Variants in BICD1 observed in about 807,000 individuals in gnomAD.
BICD1 encodes BICD cargo adaptor 1.
In BICD1, 35 loss-of-function variants were observed where a neutral mutation model predicts 92.5. That is an observed-to-expected ratio of 0.38 (90% CI 0.29 to 0.50). The LOEUF is 0.50. Among genes scored for constraint, BICD1 ranks in the 20% least tolerant of loss-of-function variants. The pLI is 0.93. For synonymous variants in BICD1, 429 were observed against 465.1 expected (o/e 0.92, Z 1.00); for missense variants, 950 against 1,189.8 (o/e 0.80, Z 2.97).
chr12:32,176,685 C>G lies in BICD1; in HGVS notation c.214-39562C>G, dbSNP rs563530071. On this transcript the variant is annotated intron_variant, in intron 1 of 9. Transcript: ENST00000652176. ...TACAGTATGTACTCCTTTGTGTTGT[C>G]TTCTTTCACTCATCGTAAGGGTTTC... 1.9e-3 allele frequency among the ~76,000 whole-genome samples: 287 copies of G among 152,244 alleles called. 1 individual carries two copies. The highest frequency in any genetic ancestry group is 6.5e-3 in the African/African-American group (271 of 41,538).
chr12:32,319,321 A>G (rs923456090), intron 4 of BICD1, among the ~76,000 whole-genome samples: 1 of 152,170 alleles, frequency 6.6e-6, no homozygotes, highest in African/African-American at 2.4e-5. Context: ...AATTTTGTCA[A>G]ATGCTTTTTC....
chr12:32,141,583 C>T (rs1485810492), intron 1 of BICD1, among the ~76,000 whole-genome samples: 1 of 152,144 alleles, frequency 6.6e-6, no homozygotes, highest in Non-Finnish European at 1.5e-5. Context: ...AAGCGATTCT[C>T]CTGCCTCAGC....
rs1253545264 is a variant in BICD1 at position 32,381,206 on chromosome 12, T to C, written c.*3579T>C. On this transcript the variant is annotated 3_prime_UTR_variant, in exon 10 of 10. Coordinates refer to ENST00000652176, the MANE Select transcript of BICD1 (RefSeq NM_001714.4). The stretch of plus-strand genomic sequence containing the variant: ...GTTGGAAAAAAATGATCGTTGGTAT[T>C]ATTTTTTCTTTCAGCTATATTCCAT... 6.6e-6 allele frequency: 1 copy of C among 152,130 alleles called. No homozygotes were observed. Among genetic ancestry groups the C allele is most frequent in the African/African-American group, 2.4e-5 (1 of 41,442 alleles). 9.4% of individuals were successfully genotyped at this position (152,130 alleles called of 1,614,324 possible).
chr12:32,357,048 G>A (rs1592715848), intron 8 of BICD1, among the ~76,000 whole-genome samples: 2 of 117,290 alleles, frequency 1.7e-5, no homozygotes, highest in Admixed American at 1.1e-4. Flanking sequence ...TTTCGCTCTT[G>A]TTGCCCAAGC....
chr12:32,313,324 A>G lies in BICD1; in HGVS notation c.1005+7202A>G, dbSNP rs999109108. On this transcript the variant is annotated intron_variant, in intron 4 of 9. Transcript: ENST00000652176. The surrounding 1 kb of genome is among the most constrained non-coding windows in gnomAD (Gnocchi z 4.2). ...TGTTAAGTGGTGATGGTAATTTGCT[A>G]TATGTCCCATAAGAGTTCAAAGCAA... Among the ~76,000 whole-genome samples, 4 of 152,180 alleles carry G rather than the reference A, an allele frequency of 2.6e-5. No individual in the cohort carries two copies. Among genetic ancestry groups the G allele is most frequent in the Non-Finnish European group, 5.9e-5 (4 of 68,024 alleles).
intron 3 of BICD1, among the ~76,000 whole-genome samples, chr12:32,301,648 G>A (rs1001552558): frequency 3.3e-5 from 5 of 151,618 alleles, no homozygotes; most frequent in Admixed American, 1.3e-4. Flanking sequence ...GGAGGTATGC[G>A]CCTGCAATCC....
chr12:32,241,880 T>C (rs991651511), intron 2 of BICD1, among the ~76,000 whole-genome samples: 1 of 151,984 alleles, frequency 6.6e-6, no homozygotes, highest in African/African-American at 2.4e-5. Flanking sequence ...GCTAACAGCA[T>C]AGCATTTCAT....
chr12:32,308,572 A>C (rs1948292686), intron 4 of BICD1, among the ~76,000 whole-genome samples: 1 of 152,274 alleles, frequency 6.6e-6, no homozygotes, highest in South Asian at 2.1e-4. Flanking sequence ...TCACTTTATA[A>C]TAATTTAGAT....
intron 1 of BICD1, among the ~76,000 whole-genome samples, chr12:32,167,658 G>T (rs1943807388): frequency 6.6e-6 from 1 of 152,130 alleles, no homozygotes; most frequent in Non-Finnish European, 1.5e-5. Flanking sequence ...GCTTCACCAT[G>T]TTGGTCAGGC....
intron 8 of BICD1, among the ~76,000 whole-genome samples, chr12:32,350,077 AG>A: frequency 6.6e-6 from 1 of 152,184 alleles, no homozygotes; most frequent in East Asian, 1.9e-4. Flanking sequence ...CTGAGCTCTA[AG>A]GGAGTTGGGC....
At chr12:32,111,800 G>A in intron 1 of BICD1, among the ~76,000 whole-genome samples, 1 of 151,510 alleles carries the variant, frequency 6.6e-6, no homozygotes, top group East Asian at 1.9e-4. Flanking sequence ...GTAGAGATGG[G>A]CTTTCACCTT....
At position 32,328,168 on chromosome 12, in the gene BICD1, G is replaced by C; in HGVS notation, c.1713G>C (p.Pro571=). Residue 571 remains proline, a synonymous_variant, in exon 5 of 10, where the codon CCG becomes CCC. Transcript: ENST00000652176. This position sits in a 1 kb window ranked among gnomAD's most constrained non-coding sequence, Gnocchi z 4.4. ...TAGCCAGGCGGGGTGTGTCATCCCC[G>C]GTAGAAACAAGGACCTCATCTGAAC... ...PRLARRGVSS[P]VETRTSSEPV... 1 of 1,614,068 alleles carries C rather than the reference G, an allele frequency of 6.2e-7. No individual in the cohort carries two copies. Among genetic ancestry groups the C allele is most frequent in the Non-Finnish European group, 8.5e-7 (1 of 1,180,012 alleles).
intron 2 of BICD1, among the ~76,000 whole-genome samples, chr12:32,291,985 T>C (rs1361134040): frequency 6.6e-6 from 1 of 152,188 alleles, no homozygotes; most frequent in Non-Finnish European, 1.5e-5. Context: ...CACCCTACCC[T>C]CCTGCAAAGA....
chr12:32,382,437 T>TA lies in BICD1; in HGVS notation c.*4811dup, dbSNP rs1207910481. On this transcript the variant is annotated 3_prime_UTR_variant, in exon 10 of 10. Coordinates refer to ENST00000652176, the MANE Select transcript of BICD1 (RefSeq NM_001714.4). ...TTTCCCATATTCATAAGATGAACACTATAGAAGTCTCATTTCTCTGTGATC... is the reference window on the plus strand; with the variant it reads ...TTTCCCATATTCATAAGATGAACACTAATAGAAGTCTCATTTCTCTGTGATC... The TA allele has an allele frequency of 6.6e-6, 1 of 152,158 alleles. No homozygotes were observed. The highest frequency in any genetic ancestry group is 1.5e-5 in the Non-Finnish European group (1 of 67,974). 9.4% of individuals were successfully genotyped at this position (152,158 alleles called of 1,614,324 possible).
chr12:32,250,299 G>T lies in BICD1; in HGVS notation c.426+33840G>T, dbSNP rs149986345. On this transcript the variant is annotated intron_variant, in intron 2 of 9. Coordinates refer to ENST00000652176, the MANE Select transcript of BICD1 (RefSeq NM_001714.4). Reference sequence around the variant, plus strand: ...AACTCCTTTGTGCCTCAAAGAAATGGAGATGACGATAATACCTACCTCAGT... The same window carrying T: ...AACTCCTTTGTGCCTCAAAGAAATGTAGATGACGATAATACCTACCTCAGT... 4.5e-3 allele frequency among the ~76,000 whole-genome samples: 686 copies of T among 152,290 alleles called. 4 individuals are homozygous for T. The highest frequency in any genetic ancestry group is 0.016 in the African/African-American group (658 of 41,548).
intron 1 of BICD1, among the ~76,000 whole-genome samples, chr12:32,194,860 C>A (rs976430473): frequency 3.3e-5 from 5 of 151,836 alleles, no homozygotes; most frequent in Admixed American, 6.6e-5. Context: ...CCCGCCTGGG[C>A]AACAAGAGCA....
At chr12:32,373,518 A>T (rs1373607579) in intron 9 of BICD1, among the ~76,000 whole-genome samples, 1 of 152,194 alleles carries the variant, frequency 6.6e-6, no homozygotes, top group Non-Finnish European at 1.5e-5. Flanking sequence ...TGTAACCCAT[A>T]TTTAAGCTAT....
chr12:32,204,344 G>GT lies in BICD1; in HGVS notation c.214-11902dup, dbSNP rs1246648633. ...TAACCTGGGCAACAGAGGAGACCCT[G>GT]TCAAAAAAAAAAAAAAATGAAAATG... On this transcript the variant is annotated intron_variant, in intron 1 of 9. Coordinates refer to ENST00000652176, the MANE Select transcript of BICD1 (RefSeq NM_001714.4). Among the ~76,000 whole-genome samples the GT allele has an allele frequency of 8.0e-3, 501 of 62,416 alleles. 4 individuals are homozygous for GT. The highest frequency in any genetic ancestry group is 0.038 in the African/African-American group (468 of 12,222). The allele number at this position is 62,416 out of a possible 152,430, so 40.9% of individuals were successfully genotyped here.
intron 3 of BICD1, among the ~76,000 whole-genome samples, chr12:32,297,405 C>G (rs918852624): frequency 4.6e-5 from 7 of 152,128 alleles, no homozygotes; most frequent in African/African-American, 1.7e-4. Context: ...CCATGTTGCC[C>G]TCCCTATGTT....
Sources: gnomAD v4.1 joint callset for allele counts (sites outside exome capture counted in the v4.1 genomes callset) on GRCh38, gnomAD v4.1.1 for gene constraint, Gnocchi (gnomAD v3.1) non-coding constraint, MANE v1.5 for transcripts, NCBI Gene and HGNC (gene_info 2026-07-23, HGNC 2026-07-21) for gene names.